Variants in TBC1D5 observed in about 807,000 individuals in gnomAD.
The protein encoded by TBC1D5 is TBC1 domain family, member 5.
Under a neutral mutation model 100.3 loss-of-function variants are expected in TBC1D5, and 75 were observed. The observed-to-expected ratio is 0.75, with a 90% CI of 0.62 to 0.91. TBC1D5 has a LOEUF of 0.91. TBC1D5 is among the 40% of genes least tolerant of loss of function. The probability of loss-of-function intolerance (pLI) is 0.00; values close to 1 mark genes in which losing one functional copy is unlikely to be tolerated. For missense variants in TBC1D5, 910 were observed against 942.4 expected, an observed-to-expected ratio of 0.97 and a Z score of 0.45; for synonymous variants, 323 against 325.6, an observed-to-expected ratio of 0.99 and a Z score of 0.09.
intron 16 of TBC1D5, among the ~76,000 whole-genome samples, chr3:17,247,268 T>C (rs1212754212): frequency 6.6e-6 from 1 of 152,220 alleles, no homozygotes; most frequent in Non-Finnish European, 1.5e-5. Flanking sequence ...TGTACAGGCA[T>C]ACCTCAGAGT....
chr3:17,557,495 C>T (rs1290924868), intron 2 of TBC1D5, among the ~76,000 whole-genome samples: 1 of 152,202 alleles, frequency 6.6e-6, no homozygotes, highest in Non-Finnish European at 1.5e-5. Context: ...GCTTTCATTG[C>T]AACTTCCATT....
At chr3:17,269,511 T>C (rs759371404) in intron 15 of TBC1D5, among the ~76,000 whole-genome samples, 4 of 152,136 alleles carry the variant, frequency 2.6e-5, no homozygotes, top group Admixed American at 6.6e-5. Flanking sequence ...TATTTTAGAT[T>C]CATGGGGTAC....
At chr3:17,681,280 T>C (rs2069432251) in intron 1 of TBC1D5, among the ~76,000 whole-genome samples, 1 of 151,674 alleles carries the variant, frequency 6.6e-6, no homozygotes, top group African/African-American at 2.4e-5. Context: ...GAATAAGATT[T>C]ATTGCACAAG....
chr3:17,317,077 C>G (rs1338091893), intron 13 of TBC1D5, among the ~76,000 whole-genome samples: 11 of 152,088 alleles, frequency 7.2e-5, no homozygotes, highest in Admixed American at 7.2e-4. Flanking sequence ...TTCTGTGCCC[C>G]CTCCACGCTA....
chr3:17,481,430 GT>G (rs2095500789), intron 3 of TBC1D5, among the ~76,000 whole-genome samples: 1 of 152,168 alleles, frequency 6.6e-6, no homozygotes, highest in South Asian at 2.1e-4. Flanking sequence ...TGCCACAGAG[GT>G]TTCCAGCTGG....
chr3:17,702,184 T>C (rs1308382857), intron 1 of TBC1D5: 1 of 152,174 alleles, frequency 6.6e-6, no homozygotes, highest in Non-Finnish European at 1.5e-5. Flanking sequence ...TACTTTGGCA[T>C]ACTCTACCTG....
At chr3:17,709,133 A>ACTTG (rs1315805478) in intron 1 of TBC1D5, among the ~76,000 whole-genome samples, 1 of 152,138 alleles carries the variant, frequency 6.6e-6, no homozygotes, top group Non-Finnish European at 1.5e-5. Flanking sequence ...AAATTATGAT[A>ACTTG]CTTGGTCCAC....
intron 2 of TBC1D5, among the ~76,000 whole-genome samples, chr3:17,573,906 T>C (rs1560190735): frequency 6.6e-6 from 1 of 152,006 alleles, no homozygotes; most frequent in Admixed American, 6.6e-5. Flanking sequence ...AAGCTCCTAT[T>C]GGAAAGAATC....
chr3:17,316,845 T>C (rs2084759833), intron 13 of TBC1D5, among the ~76,000 whole-genome samples: 1 of 152,210 alleles, frequency 6.6e-6, no homozygotes, highest in Admixed American at 6.5e-5. Context: ...TTTTCCTGGC[T>C]CATGCCAGCC....
At chr3:17,668,983 A>G (rs1007408360) in intron 1 of TBC1D5, among the ~76,000 whole-genome samples, 2 of 152,078 alleles carry the variant, frequency 1.3e-5, no homozygotes, top group African/African-American at 2.4e-5. Flanking sequence ...TTTCACCATC[A>G]TGACTGATAC....
chr3:17,168,967 G>A (rs897052377), intron 19 of TBC1D5, among the ~76,000 whole-genome samples: 1 of 152,120 alleles, frequency 6.6e-6, no homozygotes. Flanking sequence ...GAACCAGTGC[G>A]CTGTGCCCTT....
In TBC1D5 at chr3:17,709,002, A is replaced by G. The variant is rs59994592; in HGVS notation, c.-101+30341T>C. ...TTAAACGAGGTAAATTACCTACATTATATTTCCTTCTTCTTTGCCTTTGTT... is the reference window on the plus strand; with the variant it reads ...TTAAACGAGGTAAATTACCTACATTGTATTTCCTTCTTCTTTGCCTTTGTT... On this transcript the variant is annotated intron_variant, in intron 1 of 21. Coordinates refer to ENST00000253692, the Ensembl canonical transcript of TBC1D5. 8.9e-3 allele frequency among the ~76,000 whole-genome samples: 1,362 copies of G among 152,258 alleles called. 28 individuals are homozygous for G. The highest frequency in any genetic ancestry group is 0.031 in the African/African-American group (1,283 of 41,536).
At chr3:17,444,141 T>C (rs912237684) in intron 3 of TBC1D5, among the ~76,000 whole-genome samples, 7 of 152,084 alleles carry the variant, frequency 4.6e-5, no homozygotes, top group Non-Finnish European at 1.5e-5. Flanking sequence ...TAACTTATAT[T>C]CCATTTCTTG....
chr3:17,307,989 T>C lies in TBC1D5; in HGVS notation c.1138+3A>G. 5.0e-6 allele frequency: 8 copies of C among 1,601,160 alleles called. No individual in the cohort carries two copies. Among genetic ancestry groups the C allele is most frequent in the Non-Finnish European group, 6.8e-6 (8 of 1,176,416 alleles). Reference sequence around the variant, plus strand: ...AAATGTAGGAAAGGTCATTAATACTTACAAGCATCTCGGATGTAAAGTAAC... The same window carrying C: ...AAATGTAGGAAAGGTCATTAATACTCACAAGCATCTCGGATGTAAAGTAAC... On this transcript the variant is annotated splice_donor_region_variant and intron_variant, in intron 14 of 21. Coordinates refer to ENST00000253692, the Ensembl canonical transcript of TBC1D5.
intron 1 of TBC1D5, among the ~76,000 whole-genome samples, chr3:17,704,996 G>A (rs1380623167): frequency 2.3e-5 from 3 of 130,154 alleles, no homozygotes; most frequent in Non-Finnish European, 5.1e-5. Flanking sequence ...CTGGCCGGGC[G>A]GAGGGCTGAC....
At chr3:17,592,660 A>G (rs1237961845) in intron 2 of TBC1D5, among the ~76,000 whole-genome samples, 1 of 152,196 alleles carries the variant, frequency 6.6e-6, no homozygotes, top group African/African-American at 2.4e-5. Context: ...CTCTGCAACA[A>G]GTCCGAGCTA....
rs570744243 is a variant in TBC1D5 at position 17,264,475 on chromosome 3, A to G, written c.1246-5884T>C. On this transcript the variant is annotated intron_variant, in intron 15 of 21. Coordinates refer to ENST00000253692, the Ensembl canonical transcript of TBC1D5. ...AATATTGGCAGAACTGAAAAGAGCAAAAGAATATCAATTCCAGAGATGCCT... is the reference window on the plus strand; with the variant it reads ...AATATTGGCAGAACTGAAAAGAGCAGAAGAATATCAATTCCAGAGATGCCT... 2.6e-5 allele frequency among the ~76,000 whole-genome samples: 4 copies of G among 152,348 alleles called. No homozygotes were observed. The East Asian group carries it at 7.7e-4, about 29-fold the overall frequency.
intron 1 of TBC1D5, among the ~76,000 whole-genome samples, chr3:17,654,697 C>T (rs1317372558): frequency 1.3e-5 from 2 of 152,120 alleles, no homozygotes; most frequent in African/African-American, 4.8e-5. Context: ...GGAGGATTCC[C>T]TCTTTTTCTA....
At chr3:17,533,833 G>A (rs2096257152) in intron 2 of TBC1D5, among the ~76,000 whole-genome samples, 1 of 152,108 alleles carries the variant, frequency 6.6e-6, no homozygotes, top group Admixed American at 6.6e-5. Flanking sequence ...GGAAGTCAGT[G>A]TCTGTTTCTC....
Sources: allele counts gnomAD v4.1 joint callset (sites outside exome capture counted in the v4.1 genomes callset), GRCh38; gene constraint gnomAD v4.1.1; transcripts MANE v1.5; gene names NCBI Gene and HGNC (gene_info 2026-07-23, HGNC 2026-07-21).